Variants in SHANK2 observed in about 807,000 individuals in gnomAD.
SHANK2 encodes the protein SH3 and multiple ankyrin repeat domains protein 2.
SHANK2 carries 43 observed loss-of-function variants against 133.7 expected under a neutral mutation model. The ratio of observed to expected loss-of-function variants is 0.32; its 90% CI spans 0.25 to 0.41. SHANK2 has a LOEUF of 0.41. Among genes scored for constraint, SHANK2 ranks in the 10% least tolerant of loss-of-function variants. SHANK2 has a pLI of 1.00. For synonymous variants in SHANK2, 1,017 were observed against 952.8 expected, an observed-to-expected ratio of 1.07 and a Z score of -1.24; for missense variants, 1,994 against 2,235.8, an observed-to-expected ratio of 0.89 and a Z score of 2.18.
At chr11:70,827,690 AACACACACACAC>A (rs113156725) in intron 11 of SHANK2, among the ~76,000 whole-genome samples, 5,038 of 130,460 alleles carry the variant, frequency 0.039, 318 homozygotes, top group African/African-American at 0.13. Context: ...AGAAATTTAA[AACACACACACAC>A]ACACACACAC....
At chr11:70,781,285 C>G (rs576295734) in intron 14 of SHANK2, among the ~76,000 whole-genome samples, 1 of 151,854 alleles carries the variant, frequency 6.6e-6, no homozygotes, top group South Asian at 2.1e-4. Context: ...TGAGAAACGT[C>G]CGGTTTGAAG....
chr11:70,771,388 T>A (rs1289926628), intron 14 of SHANK2, among the ~76,000 whole-genome samples: 1 of 152,166 alleles, frequency 6.6e-6, no homozygotes, highest in East Asian at 1.9e-4. Context: ...CCTGGGCGCC[T>A]GACCCAGGTG....
At chr11:71,101,743 G>A (rs886856834) in intron 6 of SHANK2, among the ~76,000 whole-genome samples, 16 of 152,224 alleles carry the variant, frequency 1.1e-4, no homozygotes, top group African/African-American at 3.4e-4. Context: ...TGCTCTGAAG[G>A]TGCTCAGTGC....
intron 11 of SHANK2, among the ~76,000 whole-genome samples, chr11:70,846,860 G>A (rs1027930013): frequency 3.3e-5 from 5 of 152,140 alleles, no homozygotes; most frequent in African/African-American, 1.2e-4. Context: ...CATGAACGAG[G>A]TCATCCAATG....
chr11:70,794,425 A>G (rs1591852696), intron 14 of SHANK2, among the ~76,000 whole-genome samples: 1 of 152,184 alleles, frequency 6.6e-6, no homozygotes, highest in African/African-American at 2.4e-5. Context: ...GGCAAAATCT[A>G]TGGTGACAGA....
At chr11:70,808,294 C>G (rs1304553984) in intron 12 of SHANK2, among the ~76,000 whole-genome samples, 16 of 152,010 alleles carry the variant, frequency 1.1e-4, no homozygotes. Flanking sequence ...CTCTGCCTCC[C>G]AGGTTCAAGC....
intron 15 of SHANK2, among the ~76,000 whole-genome samples, chr11:70,693,837 TATGG>T (rs1565246944): frequency 6.6e-6 from 1 of 151,980 alleles, no homozygotes; most frequent in Non-Finnish European, 1.5e-5. Context: ...AAGAGATACA[TATGG>T]ATGGAAGGAT....
Position 70,473,661 on chromosome 11 carries a change from A to G in SHANK2, c.4980-222T>C. On this transcript the variant is annotated intron_variant, in intron 25 of 25. Coordinates refer to ENST00000601538, the MANE Select transcript of SHANK2 (RefSeq NM_012309.5). This position sits in a 1 kb window ranked among gnomAD's most constrained non-coding sequence, Gnocchi z 5.9. ...ACACCAGAGCACACCACGTCAGCCCACTCACCTGAACTGGGACAGAGGGGC... is the reference window on the plus strand; with the variant it reads ...ACACCAGAGCACACCACGTCAGCCCGCTCACCTGAACTGGGACAGAGGGGC... The G allele has an allele frequency of 1.6e-6, 1 of 620,162 alleles. No individual in the cohort carries two copies. Among genetic ancestry groups the G allele is most frequent in the Non-Finnish European group, 3.0e-6 (1 of 337,938 alleles). 38.4% of individuals were successfully genotyped at this position (620,162 alleles called of 1,614,324 possible).
intron 15 of SHANK2, among the ~76,000 whole-genome samples, chr11:70,683,015 G>C (rs1945060865): frequency 6.6e-6 from 1 of 152,166 alleles, no homozygotes; most frequent in Non-Finnish European, 1.5e-5. Flanking sequence ...GGGTTGGTGT[G>C]ACCGCTGAGC....
At chr11:70,954,799 G>C (rs531079921) in intron 10 of SHANK2, among the ~76,000 whole-genome samples, 300 of 152,338 alleles carry the variant, frequency 2.0e-3, no homozygotes, top group African/African-American at 6.9e-3. Flanking sequence ...TCTGGCTTCG[G>C]CCTTTCTCCT....
chr11:70,946,960 C>T (rs1223254332), intron 10 of SHANK2, among the ~76,000 whole-genome samples: 1 of 140,228 alleles, frequency 7.1e-6, no homozygotes, highest in African/African-American at 2.7e-5. Flanking sequence ...CCCAGGCTCA[C>T]CCTCCCTCTC....
intron 14 of SHANK2, among the ~76,000 whole-genome samples, chr11:70,729,201 A>G (rs1475454369): frequency 6.6e-6 from 1 of 151,456 alleles, no homozygotes; most frequent in Non-Finnish European, 1.5e-5. Flanking sequence ...CATCTAAAAA[A>G]AAATTAAAAA....
chr11:70,913,743 C>G (rs1220014105), intron 10 of SHANK2, among the ~76,000 whole-genome samples: 2 of 152,136 alleles, frequency 1.3e-5, no homozygotes, highest in Non-Finnish European at 2.9e-5. Context: ...GGAAACATAC[C>G]CTAAAAAGGC....
In SHANK2 at chr11:70,663,781, A is replaced by C. The variant is rs189792641; in HGVS notation, c.1854-2103T>G. Among the ~76,000 whole-genome samples the C allele has an allele frequency of 1.1e-4, 17 of 152,174 alleles. No homozygotes were observed. In the East Asian group the frequency reaches 3.3e-3, roughly 29 times the overall value. On this transcript the variant is annotated intron_variant, in intron 15 of 25. Coordinates refer to ENST00000601538, the MANE Select transcript of SHANK2 (RefSeq NM_012309.5). ...TTGGCTCATCCCTGGAAGCCCACTT[A>C]CCCTGCTCAGGGCCACCAAACAAGG... is the stretch of plus-strand genomic sequence containing the variant.
intron 1 of SHANK2, among the ~76,000 whole-genome samples, chr11:71,248,255 C>G (rs1427094534): frequency 6.6e-6 from 1 of 152,266 alleles, no homozygotes; most frequent in African/African-American, 2.4e-5. Context: ...CGGCATCAAA[C>G]CAGTCCTTGA....
intron 2 of SHANK2, among the ~76,000 whole-genome samples, chr11:71,216,522 G>C (rs1418468097): frequency 6.6e-6 from 1 of 152,088 alleles, no homozygotes; most frequent in African/African-American, 2.4e-5. Context: ...TTTTGGGGGG[G>C]AATATAAAAA....
intron 17 of SHANK2, among the ~76,000 whole-genome samples, chr11:70,657,606 C>G (rs1555011960): frequency 6.6e-6 from 1 of 152,178 alleles, no homozygotes; most frequent in Non-Finnish European, 1.5e-5. Context: ...TGGTGTGGAG[C>G]AGCCTCGTAG....
chr11:71,193,771 G>A (rs1189322877), intron 2 of SHANK2, among the ~76,000 whole-genome samples: 2 of 152,172 alleles, frequency 1.3e-5, no homozygotes, highest in Non-Finnish European at 2.9e-5. Flanking sequence ...GGTCCAGACA[G>A]GGTGGGTTAC....
At chr11:70,508,898 A>G (rs2059165722) in intron 17 of SHANK2, among the ~76,000 whole-genome samples, 3 of 152,136 alleles carry the variant, frequency 2.0e-5, no homozygotes, top group South Asian at 4.1e-4. Context: ...CAAAAGAAAG[A>G]GAGTCGGGGG....
Sources: allele counts gnomAD v4.1 joint callset (sites outside exome capture counted in the v4.1 genomes callset), GRCh38; gene constraint gnomAD v4.1.1; non-coding constraint Gnocchi (gnomAD v3.1); transcripts MANE v1.5; gene names NCBI Gene and HGNC (gene_info 2026-07-23, HGNC 2026-07-21).